Variants in CTNND2 observed in about 807,000 individuals in gnomAD.
CTNND2 encodes the protein catenin delta-2.
A neutral mutation model predicts 144.4 loss-of-function variants in CTNND2; 22 were observed. The observed-to-expected ratio is 0.15, with a 90% CI of 0.11 to 0.22. The LOEUF (loss-of-function observed/expected upper bound fraction) is 0.22, where lower values mean the gene tolerates loss of function less well. Among genes scored for constraint, CTNND2 ranks in the 10% least tolerant of loss-of-function variants. The pLI is 1.00. For synonymous variants in CTNND2, 751 were observed against 695.6 expected, an observed-to-expected ratio of 1.08 and a Z score of -1.25; for missense variants, 1,353 against 1,618.8, an observed-to-expected ratio of 0.84 and a Z score of 2.82.
intron 11 of CTNND2, among the ~76,000 whole-genome samples, chr5:11,161,740 A>T (rs1041385483): frequency 1.3e-5 from 2 of 152,190 alleles, no homozygotes; most frequent in Non-Finnish European, 2.9e-5. Context: ...TAGGAACAAA[A>T]TGTGCATTTT....
intron 10 of CTNND2, among the ~76,000 whole-genome samples, chr5:11,213,506 T>C (rs1219304528): frequency 6.6e-6 from 1 of 152,198 alleles, no homozygotes; most frequent in Non-Finnish European, 1.5e-5. Flanking sequence ...GCTCAGCTGA[T>C]TAAATATTAT....
intron 9 of CTNND2, among the ~76,000 whole-genome samples, chr5:11,343,272 T>C (rs32128): frequency 0.61 from 93,287 of 152,014 alleles, 28,933 homozygotes; most frequent in Admixed American, 0.71. Context: ...GGAACTGCCA[T>C]GACTTCAAAT....
chr5:11,066,537 G>A (rs1038026470), intron 16 of CTNND2, among the ~76,000 whole-genome samples: 2 of 140,334 alleles, frequency 1.4e-5, no homozygotes, highest in Non-Finnish European at 3.0e-5. Context: ...CCAAACCAAT[G>A]TATTTAATTG....
At chr5:11,542,764 A>C (rs539184429) in intron 3 of CTNND2, among the ~76,000 whole-genome samples, 28 of 152,292 alleles carry the variant, frequency 1.8e-4, no homozygotes, top group Middle Eastern at 3.4e-3. Context: ...GCCTTATGCC[A>C]CTTCTTGTTC....
chr5:11,584,729 G>C (rs1405065678), intron 2 of CTNND2, among the ~76,000 whole-genome samples: 1 of 152,090 alleles, frequency 6.6e-6, no homozygotes, highest in African/African-American at 2.4e-5. Flanking sequence ...TTCTAGGTAA[G>C]CTAGTATTAG....
intron 2 of CTNND2, among the ~76,000 whole-genome samples, chr5:11,639,246 G>C (rs1028207480): frequency 6.6e-6 from 1 of 152,102 alleles, no homozygotes. Context: ...AGTCCACAAT[G>C]TCAATAATGC....
At chr5:11,342,850 A>C (rs529700280) in intron 9 of CTNND2, among the ~76,000 whole-genome samples, 33 of 152,326 alleles carry the variant, frequency 2.2e-4, no homozygotes, top group African/African-American at 7.9e-4. Context: ...TTTGACTTTC[A>C]TGTTTAAAAA....
At position 11,903,159 on chromosome 5, in the gene CTNND2, C is replaced by T; in HGVS notation, c.37+658G>A. 1.0e-6 allele frequency: 1 copy of T among 984,340 alleles called. No individual in the cohort carries two copies. Among genetic ancestry groups the T allele is most frequent in the Non-Finnish European group, 1.2e-6 (1 of 828,914 alleles). 61.0% of individuals were successfully genotyped at this position (984,340 alleles called of 1,614,324 possible). A position where few individuals can be genotyped will look rare whatever the true frequency, so the allele number is the denominator to read the frequency against. ...ATCGCTCATCTCCCATACACACGCA[C>T]AGCCTTCCAAACCTGGCTTTCAGGC... On this transcript the variant is annotated intron_variant, in intron 1 of 21. Transcript: ENST00000304623. This position sits in a 1 kb window ranked among gnomAD's most constrained non-coding sequence, Gnocchi z 5.4.
chr5:11,421,834 C>A (rs907774904), intron 3 of CTNND2, among the ~76,000 whole-genome samples: 19 of 152,280 alleles, frequency 1.2e-4, no homozygotes, highest in Middle Eastern at 6.8e-3. Flanking sequence ...AACTGGGGGG[C>A]TGCTGCCTAA....
chr5:11,222,095 C>A (rs948447726), intron 10 of CTNND2, among the ~76,000 whole-genome samples: 4 of 152,180 alleles, frequency 2.6e-5, no homozygotes, highest in African/African-American at 9.7e-5. Flanking sequence ...TGCGAATGGA[C>A]TGACATTCAC....
chr5:11,593,319 A>T (rs1170523890), intron 2 of CTNND2, among the ~76,000 whole-genome samples: 1 of 152,220 alleles, frequency 6.6e-6, no homozygotes, highest in East Asian at 1.9e-4. Flanking sequence ...CTTTCTCTGT[A>T]TATGTGTTAA....
chr5:11,495,560 C>A (rs1161899020), intron 3 of CTNND2, among the ~76,000 whole-genome samples: 1 of 152,142 alleles, frequency 6.6e-6, no homozygotes, highest in East Asian at 1.9e-4. Flanking sequence ...GCCCTTGAGT[C>A]CAGATACAAG....
At position 11,270,983 on chromosome 5, in the gene CTNND2, T is replaced by A. The variant is rs1282508325; in HGVS notation, c.1629-34160A>T. Among the ~76,000 whole-genome samples the A allele has an allele frequency of 2.0e-5, 3 of 152,350 alleles. No individual in the cohort carries two copies. In the East Asian group the frequency reaches 5.8e-4, roughly 29 times the overall value. On this transcript the variant is annotated intron_variant, in intron 9 of 21. Transcript: ENST00000304623. ...AACTAGGAAAATAAAAGGAACATGT[T>A]AATCATTAATGTCACTATGACTTTA... is the stretch of plus-strand genomic sequence containing the variant.
At chr5:11,021,769 T>C (rs1742280943) in intron 17 of CTNND2, among the ~76,000 whole-genome samples, 1 of 151,596 alleles carries the variant, frequency 6.6e-6, no homozygotes, top group Non-Finnish European at 1.5e-5. Flanking sequence ...TCCCTCAAAG[T>C]GTTTAATAAC....
At chr5:11,619,830 T>G (rs897966696) in intron 2 of CTNND2, among the ~76,000 whole-genome samples, 2 of 152,300 alleles carry the variant, frequency 1.3e-5, no homozygotes, top group African/African-American at 4.8e-5. Context: ...ACTGGTGCCA[T>G]CTGTTGGTAT....
At chr5:11,760,049 CAAAAAAA>C (rs33988550) in intron 1 of CTNND2, among the ~76,000 whole-genome samples, 3 of 117,630 alleles carry the variant, frequency 2.6e-5, no homozygotes, top group African/African-American at 5.7e-5. Context: ...GTACTGGATG[CAAAAAAA>C]AAAAAAAAAA....
chr5:11,373,221 G>T (rs566892748), intron 7 of CTNND2, among the ~76,000 whole-genome samples: 2 of 152,188 alleles, frequency 1.3e-5, no homozygotes, highest in Non-Finnish European at 2.9e-5. Context: ...ACTTCTAGTG[G>T]GGAAAGAGCA....
intron 15 of CTNND2, among the ~76,000 whole-genome samples, chr5:11,094,505 G>C (rs542826106): frequency 1.4e-5 from 2 of 144,452 alleles, no homozygotes; most frequent in East Asian, 4.0e-4. Flanking sequence ...TTTTGAGATG[G>C]AGTCTCACTC....
At chr5:11,012,581 G>A (rs718297) in intron 18 of CTNND2, among the ~76,000 whole-genome samples, 47,612 of 152,032 alleles carry the variant, frequency 0.31, 8,739 homozygotes, top group African/African-American at 0.5. Flanking sequence ...ATGGTGTTCC[G>A]CCCCTCAGCA....
Sources: allele counts gnomAD v4.1 joint callset (sites outside exome capture counted in the v4.1 genomes callset), GRCh38; gene constraint gnomAD v4.1.1; non-coding constraint Gnocchi (gnomAD v3.1); transcripts MANE v1.5; gene names NCBI Gene and HGNC (gene_info 2026-07-23, HGNC 2026-07-21).